CORIN: variants seen among roughly 807,000 people sequenced by gnomAD.
CORIN encodes atrial natriuretic peptide-converting enzyme.
Under a neutral mutation model 125.3 loss-of-function variants are expected in CORIN, and 117 were observed. The observed-to-expected ratio is 0.93, with a 90% confidence interval of 0.80 to 1.09. The LOEUF (loss-of-function observed/expected upper bound fraction) is 1.09. Ranked by LOEUF, CORIN falls within the 50% of genes least tolerant of loss-of-function variation. The pLI is 0.00. For synonymous variants in CORIN, 450 were observed against 466.4 expected, an observed-to-expected ratio of 0.96 and a Z score of 0.45; for missense variants, 1,253 against 1,306.7, an observed-to-expected ratio of 0.96 and a Z score of 0.63.
At position 47,678,000 on chromosome 4, in the gene CORIN, G is replaced by A. The variant is rs369280273; in HGVS notation, c.1187C>T (p.Thr396Met). Residue 396 changes from threonine to methionine, a missense_variant, in exon 9 of 22, where the codon ACG (threonine) becomes ATG (methionine). Thr to Met is a moderately conservative substitution (Grantham distance 81, BLOSUM62 -1). Transcript: ENST00000273857. ...GTCCTCGTCACCATCACATTGAAACGTGCTGGGGATACATTGTCCATTTCT... is the reference window on the plus strand; with the variant it reads ...GTCCTCGTCACCATCACATTGAAACATGCTGGGGATACATTGTCCATTTCT... ...ECRNGQCIPS[T>M]FQCDGDEDCK... 1.5e-5 allele frequency: 24 copies of A among 1,614,050 alleles called. No individual in the cohort carries two copies. Among genetic ancestry groups the A allele is most frequent in the South Asian group, 1.4e-4 (13 of 91,068 alleles).
At chr4:47,618,270 G>A (rs1258039920) in intron 19 of CORIN, among the ~76,000 whole-genome samples, 1 of 148,838 alleles carries the variant, frequency 6.7e-6, no homozygotes, top group Admixed American at 6.7e-5. Flanking sequence ...GGAGGCAGAG[G>A]TTGCAGTGAG....
At chr4:47,675,689 C>T (rs1724982604) in intron 9 of CORIN, among the ~76,000 whole-genome samples, 1 of 152,094 alleles carries the variant, frequency 6.6e-6, no homozygotes, top group Admixed American at 6.6e-5. Flanking sequence ...TGAACAAAAC[C>T]TTCTGATGCT....
chr4:47,723,735 A>G (rs1727456135), intron 5 of CORIN, among the ~76,000 whole-genome samples: 1 of 152,028 alleles, frequency 6.6e-6, no homozygotes, highest in Admixed American at 6.5e-5. Flanking sequence ...ACGGTGGCTC[A>G]TGCCTGTAAT....
chr4:47,673,224 AAATT>A (rs1231748749), intron 10 of CORIN, among the ~76,000 whole-genome samples: 12 of 130,038 alleles, frequency 9.2e-5, no homozygotes, highest in East Asian at 4.7e-4. Flanking sequence ...ATAAATAAAT[AAATT>A]AGCTGGGTGT....
At chr4:47,686,923 A>T (rs1475036263) in intron 6 of CORIN, among the ~76,000 whole-genome samples, 1 of 152,170 alleles carries the variant, frequency 6.6e-6, no homozygotes, top group African/African-American at 2.4e-5. Context: ...AAAATTTCCA[A>T]AAGTTTATTT....
chr4:47,676,538 A>G lies in CORIN; in HGVS notation c.1249+1400T>C, dbSNP rs148634409. On this transcript the variant is annotated intron_variant, in intron 9 of 21. Transcript: ENST00000273857. ...GCATGGTTAAGCATTGACTTGCCTA[A>G]TAATTCGTAGCATGCCTATGTCCCC... 1.1e-4 allele frequency among the ~76,000 whole-genome samples: 17 copies of G among 152,280 alleles called. No individual in the cohort carries two copies. The East Asian group carries it at 2.9e-3, about 26-fold the overall frequency.
Position 47,837,893 on chromosome 4 carries a change from T to C in CORIN, c.57A>G (p.Pro19=), listed in dbSNP as rs769027272. The C allele has an allele frequency of 1.2e-6, 2 of 1,613,554 alleles. 1 individual carries two copies. Among genetic ancestry groups the C allele is most frequent in the East Asian group, 4.5e-5 (2 of 44,866 alleles). The change falls in exon 1 of 22, where the codon CCA becomes CCG. Residue 19 remains proline, a synonymous_variant. Transcript: ENST00000273857. The part of the protein sequence containing the change: ...PEERCRRAGS[P]KPVLRADDNN... ...AGCGAATCATCGATCTTACCGGCTTTGGGGACCCGGCTCTGCGGCAGCGCT... is the reference window on the plus strand; with the variant it reads ...AGCGAATCATCGATCTTACCGGCTTCGGGGACCCGGCTCTGCGGCAGCGCT...
In CORIN at chr4:47,594,509, G is replaced by T. The variant is rs1721176950; in HGVS notation, c.*1212C>A. 1 of 152,464 alleles carries T rather than the reference G, an allele frequency of 6.6e-6. No homozygotes were observed. The highest frequency in any genetic ancestry group is 2.1e-4 in the South Asian group (1 of 4,826). The allele number at this position is 152,464 out of a possible 1,614,324, so 9.4% of individuals were successfully genotyped here. A position where few individuals can be genotyped will look rare whatever the true frequency, so the allele number is the denominator to read the frequency against. ...TTCAGAAATTGAGTTGCGTAAAGTG[G>T]CCTAGAGCTAAAAATCATTTCTAAA... On this transcript the variant is annotated 3_prime_UTR_variant, in exon 22 of 22. Coordinates refer to ENST00000273857, the MANE Select transcript of CORIN (RefSeq NM_006587.4).
chr4:47,837,965 C>T lies in CORIN; in HGVS notation c.-16G>A. ...ACTGTTTCATGGATAAAAAGTCTCGCTTATTCTTCTGTCCACTTTTATCTT... is the reference window on the plus strand; with the variant it reads ...ACTGTTTCATGGATAAAAAGTCTCGTTTATTCTTCTGTCCACTTTTATCTT... On this transcript the variant is annotated 5_prime_UTR_variant, in exon 1 of 22. Coordinates refer to ENST00000273857, the MANE Select transcript of CORIN (RefSeq NM_006587.4). 1 of 1,610,878 alleles carries T rather than the reference C, an allele frequency of 6.2e-7. No homozygotes were observed. Among genetic ancestry groups the T allele is most frequent in the South Asian group, 1.1e-5 (1 of 91,076 alleles).
At chr4:47,692,049 G>A (rs935825418) in intron 6 of CORIN, among the ~76,000 whole-genome samples, 2 of 146,538 alleles carry the variant, frequency 1.4e-5, no homozygotes, top group African/African-American at 5.1e-5. Context: ...TTAGAACTCA[G>A]ATGAAAGATG....
chr4:47,759,181 A>G (rs543223550), intron 4 of CORIN, among the ~76,000 whole-genome samples: 1 of 152,210 alleles, frequency 6.6e-6, no homozygotes, highest in Non-Finnish European at 1.5e-5. Flanking sequence ...CATGCAGAAG[A>G]ATGAAATTAG....
chr4:47,751,172 T>C (rs2109848571), intron 4 of CORIN, among the ~76,000 whole-genome samples: 1 of 152,234 alleles, frequency 6.6e-6, no homozygotes, highest in South Asian at 2.1e-4. Context: ...CAAAAGAAAA[T>C]TACAGCCATG....
chr4:47,806,162 T>C (rs1577939379), intron 2 of CORIN, among the ~76,000 whole-genome samples: 2 of 152,082 alleles, frequency 1.3e-5, no homozygotes. Flanking sequence ...TTTTTTTTTT[T>C]AATGAAAGTC....
chr4:47,698,067 T>C (rs1232804884), intron 5 of CORIN, among the ~76,000 whole-genome samples: 1 of 151,654 alleles, frequency 6.6e-6, no homozygotes, highest in Non-Finnish European at 1.5e-5. Flanking sequence ...ATAGAATAAT[T>C]AATACTATTC....
chr4:47,833,483 C>T (rs1232431314), intron 1 of CORIN, among the ~76,000 whole-genome samples: 1 of 144,566 alleles, frequency 6.9e-6, no homozygotes, highest in Non-Finnish European at 1.5e-5. Flanking sequence ...ACATTGATCT[C>T]GGCGATAATT....
At chr4:47,808,830 C>T (rs1731921895) in intron 1 of CORIN, among the ~76,000 whole-genome samples, 1 of 152,164 alleles carries the variant, frequency 6.6e-6, no homozygotes, top group Non-Finnish European at 1.5e-5. Flanking sequence ...GTTTATTTTA[C>T]TTAGTTATTG....
At chr4:47,753,493 C>T (rs781618671) in intron 4 of CORIN, among the ~76,000 whole-genome samples, 15 of 152,038 alleles carry the variant, frequency 9.9e-5, no homozygotes, top group Admixed American at 2.0e-4. Flanking sequence ...TATTTCAGTC[C>T]TTATCTCAAC....
At chr4:47,785,098 G>A (rs926331862) in intron 3 of CORIN, among the ~76,000 whole-genome samples, 1 of 152,162 alleles carries the variant, frequency 6.6e-6, no homozygotes, top group Non-Finnish European at 1.5e-5. Flanking sequence ...GAAAGAGAGA[G>A]AAACACACAA....
intron 12 of CORIN, among the ~76,000 whole-genome samples, chr4:47,658,669 G>A (rs1408528455): frequency 6.6e-6 from 1 of 152,246 alleles, no homozygotes; most frequent in African/African-American, 2.4e-5. Flanking sequence ...GTCCTCCTAG[G>A]CCTTAGGGTC....
Sources: gnomAD v4.1 joint callset for allele counts (sites outside exome capture counted in the v4.1 genomes callset) on GRCh38, gnomAD v4.1.1 for gene constraint, MANE v1.5 for transcripts, NCBI Gene and HGNC (gene_info 2026-07-23, HGNC 2026-07-21) for gene names.